The following CCDC171 variants were observed in gnomAD, a reference collection of about 807,000 sequenced individuals.
CCDC171 encodes the protein coiled-coil domain containing 171, also known as coiled-coil domain-containing protein 171.
Under a neutral mutation model 168.2 loss-of-function variants are expected in CCDC171, and 177 were observed. The observed-to-expected ratio is 1.05, with a 90% CI of 0.93 to 1.19. The LOEUF (loss-of-function observed/expected upper bound fraction) is 1.19. CCDC171 is among the 50% of genes most tolerant of loss of function. The pLI, the probability that CCDC171 is intolerant of heterozygous loss-of-function variation, is 0.00. For synonymous variants in CCDC171, 687 were observed against 540.8 expected, an observed-to-expected ratio of 1.27 and a Z score of -3.75; for missense variants, 1,991 against 1,539.0, an observed-to-expected ratio of 1.29 and a Z score of -4.91.
intron 15 of CCDC171, among the ~76,000 whole-genome samples, chr9:15,728,348 A>G (rs1204268336): frequency 6.6e-6 from 1 of 152,194 alleles, no homozygotes. Flanking sequence ...GAAGCAATTC[A>G]AAGACCTTAG....
At chr9:15,805,003 AT>A (rs1369907777) in intron 21 of CCDC171, among the ~76,000 whole-genome samples, 2 of 151,850 alleles carry the variant, frequency 1.3e-5, no homozygotes, top group African/African-American at 4.9e-5. Context: ...GTGTCAAGGA[AT>A]TTATCCATTT....
intron 12 of CCDC171, among the ~76,000 whole-genome samples, 187 bp downstream of exon 12, chr9:15,722,062 T>G (rs1054642311): frequency 1.3e-5 from 2 of 152,348 alleles, no homozygotes; most frequent in African/African-American, 4.8e-5. Context: ...CTCACTTACG[T>G]TTTTGTAACT....
At chr9:16,068,691 C>G in the CCDC171 span, among the ~76,000 whole-genome samples, 5 of 151,792 alleles carry the variant, frequency 3.3e-5, no homozygotes, top group African/African-American at 1.2e-4. Context: ...GTGCCTGGCA[C>G]GCAGTCAACA....
chr9:15,746,130 A>G (rs1464071778), intron 18 of CCDC171, among the ~76,000 whole-genome samples: 3 of 152,184 alleles, frequency 2.0e-5, no homozygotes, highest in East Asian at 1.9e-4. Context: ...ATTATCAGCA[A>G]TTTACAAAAG....
intron 23 of CCDC171, among the ~76,000 whole-genome samples, chr9:15,870,637 G>A (rs1045201247): frequency 6.6e-6 from 1 of 151,630 alleles, no homozygotes; most frequent in South Asian, 2.1e-4. Flanking sequence ...TAAAAATACA[G>A]CTAGTAAATC....
At chr9:15,584,639 A>G (rs765735508) in intron 4 of CCDC171, among the ~76,000 whole-genome samples, 1 of 152,202 alleles carries the variant, frequency 6.6e-6, no homozygotes, top group Non-Finnish European at 1.5e-5. Context: ...TAGATTTTAT[A>G]TCTTGCTTTG....
chr9:15,883,267 C>T (rs1430498738), intron 24 of CCDC171: 1 of 154,556 alleles, frequency 6.5e-6, no homozygotes, highest in Non-Finnish European at 1.4e-5. Flanking sequence ...GCTATGCTGC[C>T]CAGACTGGTC....
chr9:15,994,921 TCTCCTTCAAAGTGGA>T (rs1832323934), intron 3 of CCDC171, among the ~76,000 whole-genome samples: 2 of 152,190 alleles, frequency 1.3e-5, no homozygotes, highest in South Asian at 4.1e-4. Context: ...ACATAATTTT[TCTCCTTCAAAGTGGA>T]CTCCTTCAAA....
intron 9 of CCDC171, among the ~76,000 whole-genome samples, chr9:15,676,779 C>T (rs1038179855): frequency 7.9e-5 from 12 of 151,950 alleles, no homozygotes; most frequent in African/African-American, 2.9e-4. Context: ...GTTCAGCTGG[C>T]CGTTCATTCA....
intron 25 of CCDC171, among the ~76,000 whole-genome samples, chr9:15,946,490 A>T (rs1828401771): frequency 6.6e-6 from 1 of 152,046 alleles, no homozygotes; most frequent in Non-Finnish European, 1.5e-5. Context: ...TTCAAGTAGA[A>T]CTACAAACCA....
the CCDC171 span, among the ~76,000 whole-genome samples, chr9:16,069,335 A>C: frequency 6.6e-6 from 1 of 152,250 alleles, no homozygotes; most frequent in African/African-American, 2.4e-5. Context: ...CTGAGAGTGA[A>C]AAATGATCAT....
At chr9:15,896,349 A>G (rs926192855) in intron 24 of CCDC171, among the ~76,000 whole-genome samples, 1 of 152,114 alleles carries the variant, frequency 6.6e-6, no homozygotes, top group African/African-American at 2.4e-5. Context: ...GTGTTCTGCA[A>G]CTCTGCTGAA....
chr9:15,631,753 T>C (rs2045725448), intron 7 of CCDC171, among the ~76,000 whole-genome samples: 1 of 152,296 alleles, frequency 6.6e-6, no homozygotes, highest in Admixed American at 6.5e-5. Flanking sequence ...TTGATGAAGA[T>C]TGATGCAAAA....
intron 23 of CCDC171, among the ~76,000 whole-genome samples, chr9:15,850,631 A>G (rs920151006): frequency 1.3e-5 from 2 of 152,030 alleles, no homozygotes; most frequent in South Asian, 2.1e-4. Flanking sequence ...AACTTAGGAA[A>G]GATAATTGGG....
At chr9:16,024,151 T>A (rs940717390) in intron 6 of CCDC171, among the ~76,000 whole-genome samples, 1 of 152,084 alleles carries the variant, frequency 6.6e-6, no homozygotes, top group African/African-American at 2.4e-5. Flanking sequence ...GGAATGCAGC[T>A]CTGTCTACAC....
intron 19 of CCDC171, among the ~76,000 whole-genome samples, chr9:15,778,346 A>AAAAAAAAAAAAAAC (rs2057456325): frequency 1.3e-5 from 1 of 76,186 alleles, no homozygotes; most frequent in Non-Finnish European, 2.8e-5. Context: ...AAAAAAAAAA[A>AAAAAAAAAAAAAAC]AAAAATCACT....
intron 3 of CCDC171, among the ~76,000 whole-genome samples, chr9:15,578,579 C>G (rs1158345480): frequency 6.6e-6 from 1 of 151,290 alleles, no homozygotes; most frequent in Non-Finnish European, 1.5e-5. Flanking sequence ...CAAGGTGTGA[C>G]TATTTCTGAT....
At chr9:15,608,135 C>G (rs953700467) in intron 6 of CCDC171, among the ~76,000 whole-genome samples, 4 of 152,090 alleles carry the variant, frequency 2.6e-5, no homozygotes, top group Admixed American at 2.6e-4. Flanking sequence ...CATGATAACC[C>G]ATTAACCCAT....
chr9:16,033,574 C>G (rs953768393), intron 6 of CCDC171, among the ~76,000 whole-genome samples: 1 of 152,176 alleles, frequency 6.6e-6, no homozygotes, highest in African/African-American at 2.4e-5. Context: ...CCCACTGATT[C>G]TACATTATGG....
Sources: gnomAD v4.1 joint callset for allele counts (sites outside exome capture counted in the v4.1 genomes callset) on GRCh38, gnomAD v4.1.1 for gene constraint, MANE v1.5 for transcripts, NCBI Gene and HGNC (gene_info 2026-07-23, HGNC 2026-07-21) for gene names.